The following MON2 variants were observed in gnomAD, a reference collection of about 807,000 sequenced individuals.
MON2 encodes MON2 regulator of endosome-to-Golgi trafficking, also known as protein MON2 homolog.
A neutral mutation model predicts 208.6 loss-of-function variants in MON2; 84 were observed. The ratio of observed to expected loss-of-function variants is 0.40; its 90% CI spans 0.34 to 0.48. The LOEUF is 0.48. Among genes scored for constraint, MON2 ranks in the 20% least tolerant of loss-of-function variants. The probability of loss-of-function intolerance (pLI) is 0.59; values close to 1 mark genes in which losing one functional copy is unlikely to be tolerated. For synonymous variants in MON2, 660 were observed against 694.0 expected (o/e 0.95, Z 0.77); for missense variants, 1,611 against 2,015.4 (o/e 0.80, Z 3.84).
intron 8 of MON2, among the ~76,000 whole-genome samples, chr12:62,517,621 A>C (rs150494026): frequency 5.3e-4 from 81 of 152,268 alleles, no homozygotes; most frequent in African/African-American, 1.7e-3. Context: ...TGTGAAGACA[A>C]AGGAAGAAAG....
chr12:62,553,598 T>C (rs1296718513), intron 24 of MON2, among the ~76,000 whole-genome samples: 1 of 152,212 alleles, frequency 6.6e-6, no homozygotes, highest in African/African-American at 2.4e-5. Flanking sequence ...AAGAGAATTT[T>C]ATTAACAGAT....
Position 62,467,189 on chromosome 12 carries a change from G to C in MON2, c.-19G>C, listed in dbSNP as rs373365293. ...GCTTGTTTGTACCTCTCGGAAATTG[G>C]CTGGGACCTTGGAGGATCATGTCCG... On this transcript the variant is annotated 5_prime_UTR_variant, in exon 1 of 35. Transcript: ENST00000393630. 3.8e-5 allele frequency: 61 copies of C among 1,606,946 alleles called. No individual in the cohort carries two copies. Among genetic ancestry groups the C allele is most frequent in the African/African-American group, 5.3e-5 (4 of 74,856 alleles).
intron 12 of MON2, 107 bp from the exon 13 acceptor site, chr12:62,534,738 A>C (rs1309718849): frequency 1.4e-6 from 1 of 730,248 alleles, no homozygotes; most frequent in Non-Finnish European, 2.3e-6. Context: ...TAAGTTGTTA[A>C]TGGAATATTT....
At chr12:62,582,360 T>A (rs192207763) in intron 32 of MON2, among the ~76,000 whole-genome samples, 1 of 152,328 alleles carries the variant, frequency 6.6e-6, no homozygotes, top group East Asian at 1.9e-4. Context: ...CAGCACTAAC[T>A]TGGAGTTTTC....
rs1161806527 is a variant in MON2, at chr12:62,534,922, G to T, written c.1711G>T (p.Ala571Ser). The change falls in exon 13 of 35, where the codon GCC (alanine) becomes TCC (serine). Residue 571 changes from alanine to serine, a missense_variant. Ala to Ser is a moderately conservative substitution (Grantham distance 99). Transcript: ENST00000393630. ...LLAALSLLLD[A>S]STDEAATENI... ...TGCTGCACTCTCACTCCTTCTTGAT[G>T]CCAGGTATTAAGTCTTTGTAAGTTT... The T allele has an allele frequency of 6.2e-7, 1 of 1,607,884 alleles. No homozygotes were observed. The highest frequency in any genetic ancestry group is 8.5e-7 in the Non-Finnish European group (1 of 1,175,504).
chr12:62,498,132 A>G (rs1418158032), intron 4 of MON2, among the ~76,000 whole-genome samples: 1 of 152,138 alleles, frequency 6.6e-6, no homozygotes, highest in Non-Finnish European at 1.5e-5. Context: ...TACTCGTACA[A>G]TAGAATACTG....
At chr12:62,520,601 T>G (rs554103813) in intron 8 of MON2, among the ~76,000 whole-genome samples, 2 of 152,116 alleles carry the variant, frequency 1.3e-5, no homozygotes, top group African/African-American at 4.8e-5. Context: ...GTAAAAACGC[T>G]TCATGTGTAC....
At chr12:62,543,333 T>C in intron 20 of MON2, 135 bp downstream of exon 20, 1 of 431,320 alleles carries the variant, frequency 2.3e-6, no homozygotes, top group Non-Finnish European at 4.0e-6. Flanking sequence ...TACTTATGTT[T>C]GTACATTTTA....
At chr12:62,535,768 AG>A (rs1222569419) in intron 14 of MON2, 59 bp downstream of exon 14, 21 of 1,319,748 alleles carry the variant, frequency 1.6e-5, no homozygotes, top group African/African-American at 7.5e-5. Flanking sequence ...TGTAGACAGA[AG>A]ATTATAAACA....
chr12:62,498,789 T>G, intron 4 of MON2, 130 bp from the exon 5 acceptor site: 2 of 968,460 alleles, frequency 2.1e-6, no homozygotes, highest in Non-Finnish European at 2.9e-6. Flanking sequence ...ATCTGAGGAT[T>G]TTATATTTTA....
chr12:62,577,390 G>A (rs1592448039), intron 30 of MON2, among the ~76,000 whole-genome samples: 1 of 152,016 alleles, frequency 6.6e-6, no homozygotes, highest in South Asian at 2.1e-4. Flanking sequence ...AAAGTAGTTG[G>A]TACTCAGTAG....
intron 7 of MON2, among the ~76,000 whole-genome samples, chr12:62,503,656 C>A (rs1001924978): frequency 2.0e-5 from 3 of 152,190 alleles, no homozygotes; most frequent in African/African-American, 7.2e-5. Context: ...ATTCCTTGAT[C>A]TTGTTTCTTT....
At chr12:62,573,488 A>G (rs964704108) in intron 30 of MON2, among the ~76,000 whole-genome samples, 2 of 149,422 alleles carry the variant, frequency 1.3e-5, no homozygotes, top group South Asian at 4.2e-4. Flanking sequence ...CTACTTTGGG[A>G]GGCTGAGGTG....
chr12:62,581,885 A>G (rs185475504), intron 32 of MON2, among the ~76,000 whole-genome samples: 5 of 152,334 alleles, frequency 3.3e-5, no homozygotes, highest in Admixed American at 3.3e-4. Context: ...CTTAATCCTC[A>G]GAATTTACTA....
chr12:62,574,767 A>C (rs1010722165), intron 30 of MON2, among the ~76,000 whole-genome samples: 1 of 152,052 alleles, frequency 6.6e-6, no homozygotes, highest in African/African-American at 2.4e-5. Flanking sequence ...CCTGGTCCTG[A>C]CTTGCTGTCT....
Position 62,543,086 on chromosome 12 carries a change from T to A in MON2, c.2365-11T>A. The A allele has an allele frequency of 2.1e-6, 3 of 1,440,344 alleles. No homozygotes were observed. Among genetic ancestry groups the A allele is most frequent in the South Asian group, 2.6e-5 (2 of 76,422 alleles). The allele number at this position is 1,440,344 out of a possible 1,614,324, so 89.2% of individuals were successfully genotyped here. ...CTTATACTATCAAAATACAATGTAT[T>A]TTCTCCCTAGGAACCATCTCTTTTT... On this transcript the variant is annotated splice_polypyrimidine_tract_variant and intron_variant, in intron 19 of 34. Transcript: ENST00000393630.
chr12:62,533,030 C>T (rs2072730874), intron 12 of MON2, among the ~76,000 whole-genome samples: 1 of 152,108 alleles, frequency 6.6e-6, no homozygotes, highest in Non-Finnish European at 1.5e-5. Context: ...CTAGTGATGT[C>T]CTTTTATGTG....
At chr12:62,496,173 C>A (rs929164058) in intron 4 of MON2, among the ~76,000 whole-genome samples, 1 of 151,824 alleles carries the variant, frequency 6.6e-6, no homozygotes, top group South Asian at 2.1e-4. Flanking sequence ...ATAGTTTATT[C>A]TTTTAGGCTT....
chr12:62,467,384 TC>T (rs2068568973), intron 1 of MON2, 66 bp downstream of exon 1: 2 of 1,302,630 alleles, frequency 1.5e-6, no homozygotes, highest in South Asian at 2.4e-5. Context: ...ACTCAGTGCT[TC>T]ACCCCAGTTT....
Sources: gnomAD v4.1 joint callset for allele counts (sites outside exome capture counted in the v4.1 genomes callset) on GRCh38, gnomAD v4.1.1 for gene constraint, MANE v1.5 for transcripts, NCBI Gene and HGNC (gene_info 2026-07-23, HGNC 2026-07-21) for gene names.